The following CHEK2 variants were observed in gnomAD, a reference collection of about 807,000 sequenced individuals.
CHEK2 encodes serine/threonine-protein kinase Chk2.
CHEK2 carries 71 observed loss-of-function variants against 69.1 expected under a neutral mutation model. The ratio of observed to expected loss-of-function variants is 1.03; its 90% CI spans 0.85 to 1.25. The LOEUF (loss-of-function observed/expected upper bound fraction) is 1.25, where lower values mean the gene tolerates loss of function less well. CHEK2 is among the 50% of genes most tolerant of loss of function. The probability of loss-of-function intolerance (pLI) is 0.00; values close to 1 mark genes in which losing one functional copy is unlikely to be tolerated. For synonymous variants in CHEK2, 189 were observed against 226.9 expected (o/e 0.83, Z 1.50); for missense variants, 664 against 649.6 (o/e 1.02, Z -0.24).
intron 13 of CHEK2, among the ~76,000 whole-genome samples, chr22:28,693,109 T>C (rs1208955891): frequency 1.3e-5 from 2 of 152,090 alleles, no homozygotes; most frequent in African/African-American, 4.8e-5. Flanking sequence ...AAAAAATTCA[T>C]AGAAAGGGGC....
At chr22:28,722,547 A>C (rs2053832077) in intron 4 of CHEK2, among the ~76,000 whole-genome samples, 1 of 150,312 alleles carries the variant, frequency 6.7e-6, no homozygotes, top group Non-Finnish European at 1.5e-5. Context: ...CTCAAAAAAA[A>C]AAAAAAAAAA....
At chr22:28,731,647 A>G (rs1215020461) in intron 2 of CHEK2, among the ~76,000 whole-genome samples, 1 of 152,100 alleles carries the variant, frequency 6.6e-6, no homozygotes, top group Non-Finnish European at 1.5e-5. Context: ...TTCAGCACCT[A>G]CTTTATGCTG....
chr22:28,702,262 G>A (rs540246961), intron 8 of CHEK2, among the ~76,000 whole-genome samples: 3 of 146,554 alleles, frequency 2.0e-5, no homozygotes, highest in Non-Finnish European at 3.0e-5. Flanking sequence ...TTTTTGAAAC[G>A]GAGTCTCGCT....
At chr22:28,705,224 G>A (rs1247454150) in intron 7 of CHEK2, among the ~76,000 whole-genome samples, 2 of 151,834 alleles carry the variant, frequency 1.3e-5, no homozygotes. Context: ...GATTATGAGT[G>A]CCTGCCACTG....
chr22:28,730,086 G>A (rs1288137595), intron 2 of CHEK2, among the ~76,000 whole-genome samples: 2 of 149,802 alleles, frequency 1.3e-5, no homozygotes, highest in Admixed American at 6.8e-5. Context: ...CTTGTGATCC[G>A]CCCACCTCAG....
intron 7 of CHEK2, chr22:28,708,959 A>C (rs1410768381): frequency 4.8e-6 from 2 of 415,868 alleles, no homozygotes; most frequent in Non-Finnish European, 9.5e-6. Flanking sequence ...TCTCAAAAAA[A>C]AAAAAAAAAA....
intron 5 of CHEK2, 25 bp downstream of exon 5, chr22:28,719,370 G>T (rs2146003963): frequency 7.6e-7 from 1 of 1,310,068 alleles, no homozygotes; most frequent in Non-Finnish European, 1.1e-6. Flanking sequence ...AAAATTAAGT[G>T]CATTTATATA....
At chr22:28,732,659 A>T (rs1455060339) in intron 2 of CHEK2, among the ~76,000 whole-genome samples, 2 of 152,214 alleles carry the variant, frequency 1.3e-5, no homozygotes, top group Non-Finnish European at 2.9e-5. Flanking sequence ...TTTTTTCAAG[A>T]TATCAAAGTT....
intron 2 of CHEK2, among the ~76,000 whole-genome samples, chr22:28,733,485 C>T (rs1601848273): frequency 6.6e-6 from 1 of 152,252 alleles, no homozygotes. Context: ...GGGCAACACC[C>T]AATACTGCCT....
rs587781367 is a variant in CHEK2 at position 28,687,892 on chromosome 22, G to A, written c.*5C>T. On this transcript the variant is annotated 3_prime_UTR_variant, in exon 15 of 15. Coordinates refer to ENST00000404276, the MANE Select transcript of CHEK2 (RefSeq NM_007194.4). ...TACATTTCTTTCGTGTTCAAACCAC[G>A]GAGTTCACAACACAGCAGCACACAC... 1.1e-5 allele frequency: 17 copies of A among 1,594,054 alleles called. No individual in the cohort carries two copies. Among genetic ancestry groups the A allele is most frequent in the African/African-American group, 4.0e-5 (3 of 74,800 alleles).
intron 6 of CHEK2, 99 bp downstream of exon 6, chr22:28,711,810 G>A: frequency 1.2e-6 from 1 of 851,298 alleles, no homozygotes. Context: ...ATCTAAGCAG[G>A]GGGTTATTCC....
chr22:28,723,440 T>C (rs2053870087), intron 4 of CHEK2, among the ~76,000 whole-genome samples: 1 of 151,112 alleles, frequency 6.6e-6, no homozygotes, highest in Non-Finnish European at 1.5e-5. Flanking sequence ...CTACTAAAAA[T>C]ACAAAAAATT....
At chr22:28,691,607 G>C (rs2052366497) in intron 13 of CHEK2, among the ~76,000 whole-genome samples, 1 of 152,264 alleles carries the variant, frequency 6.6e-6, no homozygotes, top group Non-Finnish European at 1.5e-5. Context: ...GAGGCGGGAG[G>C]ATCCCTTAAG....
Position 28,696,960 on chromosome 22 carries a change from G to C in CHEK2, c.1036C>G (p.Arg346Gly), listed in dbSNP as rs201206424. 1 of 1,612,872 alleles carries C rather than the reference G, an allele frequency of 6.2e-7. No individual in the cohort carries two copies. Among genetic ancestry groups the C allele is most frequent in the Non-Finnish European group, 8.5e-7 (1 of 1,179,044 alleles). Residue 346 changes from arginine (R) to glycine (G), a missense_variant, in exon 10 of 15, where the codon CGT becomes GGT. Transcript: ENST00000404276. ...AAAACATTCTCTGGCTTTAAGTCAC[G>C]GTGTATAATACCGTTTTCATGAAGG... ...QYLHENGIIH[R>G]DLKPENVLLS...
chr22:28,703,462 C>CATTT, intron 8 of CHEK2, 43 bp downstream of exon 8: 1 of 1,020,704 alleles, frequency 9.8e-7, no homozygotes, highest in South Asian at 1.4e-5. Flanking sequence ...CTTTATAAAG[C>CATTT]ATTTGAATGG....
chr22:28,711,764 A>G, intron 6 of CHEK2, 145 bp downstream of exon 6: 1 of 665,042 alleles, frequency 1.5e-6, no homozygotes, highest in Non-Finnish European at 2.7e-6. Flanking sequence ...GATGCCCCAA[A>G]ATTTTCCATG....
chr22:28,741,242 G>A (rs769802709), intron 1 of CHEK2, among the ~76,000 whole-genome samples: 3 of 149,722 alleles, frequency 2.0e-5, no homozygotes, highest in African/African-American at 7.4e-5. Flanking sequence ...AATTCCAGAG[G>A]TCTTTCAAGT....
chr22:28,714,622 C>T (rs889694556), intron 5 of CHEK2, among the ~76,000 whole-genome samples: 1 of 152,058 alleles, frequency 6.6e-6, no homozygotes, highest in East Asian at 1.9e-4. Flanking sequence ...TTTTGAGGCA[C>T]AAAAGTTTTT....
rs374623367 is a variant in CHEK2 at position 28,708,952 on chromosome 22, C to CAAAAAAAAAAAAA, written c.846+1041_846+1053dup. The CAAAAAAAAAAAAA allele has an allele frequency of 3.0e-5, 10 of 330,840 alleles. 1 individual carries two copies. The highest frequency in any genetic ancestry group is 4.1e-4 in the Middle Eastern group (1 of 2,466). The allele number at this position is 330,840 out of a possible 1,614,324, so 20.5% of individuals were successfully genotyped here. On this transcript the variant is annotated intron_variant, in intron 7 of 14. Transcript: ENST00000404276. ...TGGGTGACAGAGCGAGCCTCCGTCT[C>CAAAAAAAAAAAAA]AAAAAAAAAAAAAAAAAAAAAACAA...
Sources: gnomAD v4.1 joint callset for allele counts (sites outside exome capture counted in the v4.1 genomes callset) on GRCh38, gnomAD v4.1.1 for gene constraint, MANE v1.5 for transcripts, NCBI Gene and HGNC (gene_info 2026-07-23, HGNC 2026-07-21) for gene names.